Variants in PITPNC1 observed in about 807,000 individuals in gnomAD.
The protein encoded by PITPNC1 is cytoplasmic phosphatidylinositol transfer protein 1.
A neutral mutation model predicts 44.7 loss-of-function variants in PITPNC1; 18 were observed. The observed-to-expected ratio is 0.40, with a 90% confidence interval of 0.28 to 0.60. PITPNC1 has a LOEUF of 0.60. PITPNC1 is among the 20% of genes least tolerant of loss of function. The pLI is 0.39. For synonymous variants in PITPNC1, 141 were observed against 149.6 expected (o/e 0.94, Z 0.42); for missense variants, 290 against 418.4 (o/e 0.69, Z 2.68).
chr17:67,629,469 C>T (rs575676025), intron 5 of PITPNC1, among the ~76,000 whole-genome samples: 1 of 152,264 alleles, frequency 6.6e-6, no homozygotes, highest in Admixed American at 6.5e-5. Context: ...ATCATGTTGG[C>T]CAGGCTGGTC....
chr17:67,629,239 T>TGTGTGTGTGTGTGTGTGC (rs1491358232), intron 5 of PITPNC1, among the ~76,000 whole-genome samples: 5 of 2,550 alleles, frequency 2.0e-3, no homozygotes, highest in African/African-American at 0.01. Flanking sequence ...TGGGGTATTC[T>TGTGTGTGTGTGTGTGTGC]GTGTGTGTGT....
rs1555574521 is a variant in PITPNC1, at chr17:67,631,657, A to AATATATAT, written c.367-478_367-471dup. The stretch of plus-strand genomic sequence containing the variant: ...AACCAAAAAAAAAAAAAAAAAAAAA[A>AATATATAT]ATATATATATATATAAAATATATAT... On this transcript the variant is annotated intron_variant, in intron 5 of 8. Transcript: ENST00000581322. 4.4e-3 allele frequency among the ~76,000 whole-genome samples: 34 copies of AATATATAT among 7,676 alleles called. 3 individuals carry two copies. The highest frequency in any genetic ancestry group is 8.1e-3 in the African/African-American group (22 of 2,714). 5.0% of individuals were successfully genotyped at this position (7,676 alleles called of 152,430 possible).
chr17:67,675,271 A>G (rs1420243927), intron 7 of PITPNC1, among the ~76,000 whole-genome samples: 1 of 152,146 alleles, frequency 6.6e-6, no homozygotes, highest in African/African-American at 2.4e-5. Context: ...AGAGATGAAT[A>G]TACTGCAAGT....
Position 67,597,094 on chromosome 17 carries a change from A to G in PITPNC1, c.366+18837A>G, listed in dbSNP as rs748801870. 6.6e-6 allele frequency among the ~76,000 whole-genome samples: 1 copy of G among 151,712 alleles called. No homozygotes were observed. Among genetic ancestry groups the G allele is most frequent in the Non-Finnish European group, 1.5e-5 (1 of 67,956 alleles). ...TTTTTTGTAGAGATGAAGTCTTCCT[A>G]TATTACCCAGGCTGATCTTGAACCC... On this transcript the variant is annotated intron_variant, in intron 5 of 8. Coordinates refer to ENST00000581322, the MANE Select transcript of PITPNC1 (RefSeq NM_012417.4). The surrounding 1 kb of genome is among the most constrained non-coding windows in gnomAD (Gnocchi z 4.0).
rs573600471 is a variant in PITPNC1 at position 67,531,769 on chromosome 17, G to C, written c.49-1033G>C. Among the ~76,000 whole-genome samples the C allele has an allele frequency of 1.8e-4, 27 of 152,314 alleles. No individual in the cohort carries two copies. In the South Asian group the frequency reaches 5.6e-3, roughly 32 times the overall value. ...ACTCAGGCCCCACTCCCCCATCCCA[G>C]AGGCGTCGGTGGTAATGACCCAGGG... On this transcript the variant is annotated intron_variant, in intron 1 of 8. Coordinates refer to ENST00000581322, the MANE Select transcript of PITPNC1 (RefSeq NM_012417.4).
intron 1 of PITPNC1, among the ~76,000 whole-genome samples, chr17:67,426,177 C>T (rs1294588070): frequency 6.6e-6 from 1 of 152,128 alleles, no homozygotes; most frequent in Non-Finnish European, 1.5e-5. Flanking sequence ...AAATTCGTTC[C>T]ACCATTGTGG....
At chr17:67,579,388 TC>T (rs1312946273) in intron 5 of PITPNC1, among the ~76,000 whole-genome samples, 3 of 152,164 alleles carry the variant, frequency 2.0e-5, no homozygotes, top group African/African-American at 7.2e-5. Flanking sequence ...TCATGGAACT[TC>T]CCAGAGGAGA....
intron 1 of PITPNC1, among the ~76,000 whole-genome samples, chr17:67,495,213 G>C (rs113748489): frequency 0.13 from 19,473 of 151,090 alleles, 1,374 homozygotes; most frequent in Middle Eastern, 0.22. Context: ...CTCGCCACCA[G>C]GCCCGGCTAA....
chr17:67,488,926 CT>C lies in PITPNC1; in HGVS notation c.49-43874del, dbSNP rs1334163953. On this transcript the variant is annotated intron_variant, in intron 1 of 8. Coordinates refer to ENST00000581322, the MANE Select transcript of PITPNC1 (RefSeq NM_012417.4). The stretch of plus-strand genomic sequence containing the variant: ...GTGTGGTAGTGTGTATCAGAATTTC[CT>C]TCCTTTTCAGGAGTGAATAATATTC... 3.3e-5 allele frequency among the ~76,000 whole-genome samples: 5 copies of C among 152,324 alleles called. No homozygotes were observed. The East Asian group carries it at 9.6e-4, about 29-fold the overall frequency.
chr17:67,674,457 T>C (rs921410769), intron 7 of PITPNC1, among the ~76,000 whole-genome samples: 4 of 151,118 alleles, frequency 2.6e-5, no homozygotes, highest in Non-Finnish European at 4.4e-5. Context: ...TGAGTTGAGA[T>C]TGCACCACTG....
chr17:67,545,566 ACT>A (rs3051698), intron 2 of PITPNC1, among the ~76,000 whole-genome samples: 37,482 of 151,854 alleles, frequency 0.25, 5,164 homozygotes, highest in Non-Finnish European at 0.32. Context: ...ACAGAGCAAG[ACT>A]CTGTCTCAAA....
At chr17:67,666,010 T>G (rs2042417403) in intron 6 of PITPNC1, among the ~76,000 whole-genome samples, 1 of 152,096 alleles carries the variant, frequency 6.6e-6, no homozygotes. Context: ...CCAGCTCATT[T>G]TTTTATATTT....
chr17:67,454,473 ATTC>A (rs1487173856), intron 1 of PITPNC1, among the ~76,000 whole-genome samples: 1 of 152,098 alleles, frequency 6.6e-6, no homozygotes, highest in African/African-American at 2.4e-5. Flanking sequence ...TATACTTTTT[ATTC>A]TTCTTTTGAT....
intron 1 of PITPNC1, among the ~76,000 whole-genome samples, chr17:67,453,092 A>G (rs1450825180): frequency 6.6e-6 from 1 of 152,138 alleles, no homozygotes; most frequent in East Asian, 1.9e-4. Context: ...TACTCTGTCT[A>G]GCTGATTGAT....
At chr17:67,555,751 G>A (rs1269646287) in intron 4 of PITPNC1, among the ~76,000 whole-genome samples, 1 of 151,878 alleles carries the variant, frequency 6.6e-6, no homozygotes, top group Non-Finnish European at 1.5e-5. Context: ...GGCTGAGACA[G>A]GAGAATCATT....
chr17:67,613,653 C>T (rs1479684995), intron 5 of PITPNC1: 1 of 151,994 alleles, frequency 6.6e-6, no homozygotes, highest in Admixed American at 6.6e-5. Flanking sequence ...AACCTCATCT[C>T]TACCAAAATA....
rs987309939 is a variant in PITPNC1 at position 67,382,941 on chromosome 17, G to C, written c.48+4739G>C. On this transcript the variant is annotated intron_variant, in intron 1 of 8. Coordinates refer to ENST00000581322, the MANE Select transcript of PITPNC1 (RefSeq NM_012417.4). The stretch of plus-strand genomic sequence containing the variant: ...GCCCCCGGATGATTCTAGAGTTTTA[G>C]ACTTAGAAGGCGTATTGGAGATGAT... 1.8e-4 allele frequency among the ~76,000 whole-genome samples: 28 copies of C among 151,918 alleles called. 1 individual carries two copies. The highest frequency in any genetic ancestry group is 1.5e-3 in the Admixed American group (23 of 15,262).
At chr17:67,689,164 T>A (rs1320457215) in intron 8 of PITPNC1, among the ~76,000 whole-genome samples, 1 of 152,162 alleles carries the variant, frequency 6.6e-6, no homozygotes, top group African/African-American at 2.4e-5. Context: ...ATTGTGCCAC[T>A]GCACTCCAGC....
In PITPNC1 at chr17:67,382,002, T is replaced by G. The variant is rs561352573; in HGVS notation, c.48+3800T>G. On this transcript the variant is annotated intron_variant, in intron 1 of 8. Transcript: ENST00000581322. ...TGAGATTCAGAAGGGTTAGGTAATG[T>G]GCTCCAGGCCACACAACTAGTTAAT... Among the ~76,000 whole-genome samples the G allele has an allele frequency of 6.6e-5, 10 of 152,210 alleles. 1 individual carries two copies. Among genetic ancestry groups the G allele is most frequent in the Admixed American group, 6.6e-4 (10 of 15,266 alleles).
Sources: gnomAD v4.1 joint callset for allele counts (sites outside exome capture counted in the v4.1 genomes callset) on GRCh38, gnomAD v4.1.1 for gene constraint, Gnocchi (gnomAD v3.1) non-coding constraint, MANE v1.5 for transcripts, NCBI Gene and HGNC (gene_info 2026-07-23, HGNC 2026-07-21) for gene names.